The following CNTN2 variants were observed in gnomAD, a reference collection of about 807,000 sequenced individuals.
CNTN2 encodes the protein contactin 2.
In CNTN2, 53 loss-of-function variants were observed where a neutral mutation model predicts 117.5. The observed-to-expected ratio is 0.45, with a 90% CI of 0.36 to 0.57. The LOEUF (loss-of-function observed/expected upper bound fraction) is 0.57. Ranked by LOEUF, CNTN2 falls within the 20% of genes least tolerant of loss-of-function variation. The pLI is 0.00. For missense variants in CNTN2, 1,106 were observed against 1,404.3 expected (o/e 0.79, Z 3.39); for synonymous variants, 530 against 561.7 (o/e 0.94, Z 0.80).
Position 205,059,704 on chromosome 1 carries a change from A to T in CNTN2, c.797+22A>T. On this transcript the variant is annotated intron_variant, in intron 7 of 22. Coordinates refer to ENST00000331830, the MANE Select transcript of CNTN2 (RefSeq NM_005076.5). The surrounding 1 kb of genome is among the most constrained non-coding windows in gnomAD (Gnocchi z 5.6). Reference sequence around the variant, plus strand: ...GGAAGTGAGTGTGAAGAGGGAGGGGAAGCAGAGCACGGTCTCTCGGGGGCA... The same window carrying T: ...GGAAGTGAGTGTGAAGAGGGAGGGGTAGCAGAGCACGGTCTCTCGGGGGCA... 6.2e-7 allele frequency: 1 copy of T among 1,606,228 alleles called. No homozygotes were observed. The highest frequency in any genetic ancestry group is 8.5e-7 in the Non-Finnish European group (1 of 1,173,282).
chr1:205,058,123 C>A lies in CNTN2; in HGVS notation c.215+58C>A. ...TGGGCAGCCGTTGAACTTTCCCTCT[C>A]ATCAGCCCTGCCACCAGGCAGGACT... is the stretch of plus-strand genomic sequence containing the variant. On this transcript the variant is annotated intron_variant, in intron 3 of 22. Transcript: ENST00000331830. This position sits in a 1 kb window ranked among gnomAD's most constrained non-coding sequence, Gnocchi z 4.3. 6.2e-7 allele frequency: 1 copy of A among 1,601,010 alleles called. No homozygotes were observed. The highest frequency in any genetic ancestry group is 8.5e-7 in the Non-Finnish European group (1 of 1,173,494).
intron 19 of CNTN2, 104 bp from the exon 20 acceptor site, chr1:205,071,843 C>A: frequency 8.8e-7 from 1 of 1,139,576 alleles, no homozygotes; most frequent in Non-Finnish European, 1.2e-6. Context: ...AAGACTGGGT[C>A]ACAGGGACCA....
chr1:205,043,556 C>T (rs2096435755), intron 1 of CNTN2, among the ~76,000 whole-genome samples, 162 bp downstream of exon 1: 1 of 152,146 alleles, frequency 6.6e-6, no homozygotes, highest in Non-Finnish European at 1.5e-5. Flanking sequence ...CTTCTCCCCT[C>T]AGCCCCAGGG....
Position 205,059,524 on chromosome 1 carries a change from C to A in CNTN2, c.698-59C>A. 6.7e-7 allele frequency: 1 copy of A among 1,499,188 alleles called. No homozygotes were observed. Among genetic ancestry groups the A allele is most frequent in the Non-Finnish European group, 9.3e-7 (1 of 1,075,668 alleles). The allele number at this position is 1,499,188 out of a possible 1,614,324, so 92.9% of individuals were successfully genotyped here. ...CTCTGAAAGGTGCTGAGATCCCATG[C>A]ACGGGAGCACCTGACCTGGAGTCAT... On this transcript the variant is annotated intron_variant, in intron 6 of 22. Transcript: ENST00000331830. The surrounding 1 kb of genome is among the most constrained non-coding windows in gnomAD (Gnocchi z 5.6).
At chr1:205,046,089 C>T (rs1326501826) in intron 1 of CNTN2, among the ~76,000 whole-genome samples, 1 of 152,182 alleles carries the variant, frequency 6.6e-6, no homozygotes, top group Non-Finnish European at 1.5e-5. Flanking sequence ...CTGTTGCTAA[C>T]CTGGAACATT....
At position 205,059,304 on chromosome 1, in the gene CNTN2, G is replaced by A. The variant is rs773468067; in HGVS notation, c.697+11G>A. ...ACCTGGCTGCTGAAGGTCAGGCTTG[G>A]CCAGGCGTGGCTGGAGGGAGGGAAC... On this transcript the variant is annotated intron_variant, in intron 6 of 22. Coordinates refer to ENST00000331830, the MANE Select transcript of CNTN2 (RefSeq NM_005076.5). This position sits in a 1 kb window ranked among gnomAD's most constrained non-coding sequence, Gnocchi z 5.6. The A allele has an allele frequency of 6.2e-7, 1 of 1,611,110 alleles. No individual in the cohort carries two copies. The highest frequency in any genetic ancestry group is 8.5e-7 in the Non-Finnish European group (1 of 1,178,488).
chr1:205,071,513 T>A (rs975985407), intron 19 of CNTN2, among the ~76,000 whole-genome samples: 5 of 152,242 alleles, frequency 3.3e-5, no homozygotes, highest in African/African-American at 1.2e-4. Flanking sequence ...TTAGCAGGTC[T>A]TCATGCTATG....
rs1302845609 is a variant in CNTN2 at position 205,073,634 on chromosome 1, ACT to A, written c.3014-20_3014-19del. The A allele has an allele frequency of 1.9e-6, 3 of 1,609,396 alleles. No individual in the cohort carries two copies. The highest frequency in any genetic ancestry group is 2.5e-6 in the Non-Finnish European group (3 of 1,177,688). On this transcript the variant is annotated intron_variant, in intron 22 of 22. Transcript: ENST00000331830. The surrounding 1 kb of genome is among the most constrained non-coding windows in gnomAD (Gnocchi z 6.3). The stretch of plus-strand genomic sequence containing the variant: ...GCTAGGGTAGTCCCAGGCCCAGCTG[ACT>A]CAGCTTGTGCTGGTTTCAGGCACAA...
In CNTN2 at chr1:205,058,298, C is replaced by T; in HGVS notation, c.333C>T (p.Cys111=). 6.5e-7 allele frequency: 1 copy of T among 1,529,960 alleles called. No homozygotes were observed. The allele number at this position is 1,529,960 out of a possible 1,614,324, so 94.8% of individuals were successfully genotyped here. The part of the protein sequence containing the change: ...TKAQDAGVYQ[C]LASNPVGTVV... Reference sequence around the variant, plus strand: ...CACAGGATGCCGGGGTCTACCAGTGCCTGGCCTCCAACCCAGTGGGCACCG... The same window carrying T: ...CACAGGATGCCGGGGTCTACCAGTGTCTGGCCTCCAACCCAGTGGGCACCG... The change falls in exon 4 of 23, where the codon TGC becomes TGT. Residue 111 remains cysteine (C), a synonymous_variant. Transcript: ENST00000331830. This position sits in a 1 kb window ranked among gnomAD's most constrained non-coding sequence, Gnocchi z 4.3.
At chr1:205,057,022 C>T (rs1308834003) in intron 2 of CNTN2, among the ~76,000 whole-genome samples, 6 of 152,178 alleles carry the variant, frequency 3.9e-5, no homozygotes, top group Non-Finnish European at 7.4e-5. Context: ...AAACTGCCAC[C>T]AAAGCAAACT....
chr1:205,052,082 C>G (rs983529287), intron 1 of CNTN2, among the ~76,000 whole-genome samples: 1 of 152,248 alleles, frequency 6.6e-6, no homozygotes, highest in Admixed American at 6.5e-5. Flanking sequence ...CCCTGACCCC[C>G]TCCCACTGCT....
chr1:205,073,102 C>T lies in CNTN2; in HGVS notation c.2879C>T (p.Thr960Met), dbSNP rs752800918. The stretch of plus-strand genomic sequence containing the variant: ...CAGAATGACTTACACCTGACTCCCA[C>T]GCTCCACCTCACCGGCAAGAACTGG... ...LYQNDLHLTP[T>M]LHLTGKNWIE... The change falls in exon 22 of 23, where the codon ACG (threonine) becomes ATG (methionine). Residue 960 changes from threonine to methionine, a missense_variant. Transcript: ENST00000331830. The surrounding 1 kb of genome is among the most constrained non-coding windows in gnomAD (Gnocchi z 6.3). 100 of 1,614,028 alleles carry T rather than the reference C, an allele frequency of 6.2e-5. 1 individual carries two copies. The Admixed American group carries it at 7.7e-4, about 12-fold the overall frequency.
At position 205,074,986 on chromosome 1, in the gene CNTN2, G is replaced by A. The variant is rs546095948; in HGVS notation, c.*1221G>A. 18 of 398,262 alleles carry A rather than the reference G, an allele frequency of 4.5e-5. No individual in the cohort carries two copies. The highest frequency in any genetic ancestry group is 2.1e-4 in the African/African-American group (10 of 48,738). The allele number at this position is 398,262 out of a possible 1,614,324, so 24.7% of individuals were successfully genotyped here. A position where few individuals can be genotyped will look rare whatever the true frequency, so the allele number is the denominator to read the frequency against. ...CTGGGTATACTACCAGTCACAGAAC[G>A]TCAGAGCTGGAAGAAGCCTTAGAGC... On this transcript the variant is annotated 3_prime_UTR_variant, in exon 23 of 23. Coordinates refer to ENST00000331830, the MANE Select transcript of CNTN2 (RefSeq NM_005076.5).
intron 10 of CNTN2, among the ~76,000 whole-genome samples, chr1:205,064,047 G>A (rs1415409999): frequency 1.3e-5 from 2 of 151,652 alleles, no homozygotes; most frequent in Admixed American, 6.6e-5. Context: ...TTCCCAACTG[G>A]GTGGAGAAAA....
Position 205,073,223 on chromosome 1 carries a change from C to T in CNTN2, c.3000C>T (p.Ile1000=), listed in dbSNP as rs947096199. ...ATGGGATCCCTGCAGAAGTCCACAT[C>T]GTGAGGAATGGAGGTGCTGCTCCTC... is the stretch of plus-strand genomic sequence containing the variant. ...GGDGIPAEVH[I]VRNGGTSMMV... Residue 1000 remains isoleucine, a synonymous_variant, in exon 22 of 23, where the codon ATC becomes ATT. Transcript: ENST00000331830. This position sits in a 1 kb window ranked among gnomAD's most constrained non-coding sequence, Gnocchi z 6.3. 1.6e-5 allele frequency: 26 copies of T among 1,613,992 alleles called. No homozygotes were observed. Among genetic ancestry groups the T allele is most frequent in the South Asian group, 6.6e-5 (6 of 91,070 alleles).
intron 15 of CNTN2, 33 bp from the exon 16 acceptor site, chr1:205,067,068 A>T: frequency 6.3e-7 from 1 of 1,578,896 alleles, no homozygotes; most frequent in East Asian, 2.2e-5. Context: ...GAATAAGCGA[A>T]TGCTGGAATA....
chr1:205,067,293 G>A, intron 16 of CNTN2, 43 bp downstream of exon 16: 2 of 1,587,974 alleles, frequency 1.3e-6, no homozygotes, highest in Non-Finnish European at 1.7e-6. Context: ...TCAGGGCAGA[G>A]ACCCTGGCAC....
intron 1 of CNTN2, among the ~76,000 whole-genome samples, chr1:205,043,658 G>T (rs911235812): frequency 6.6e-6 from 1 of 152,328 alleles, no homozygotes; most frequent in East Asian, 1.9e-4. Flanking sequence ...TGGACCCCAG[G>T]AGTGTGTCCA....
chr1:205,055,172 C>T (rs910888003), intron 2 of CNTN2, among the ~76,000 whole-genome samples: 2 of 152,090 alleles, frequency 1.3e-5, no homozygotes, highest in Non-Finnish European at 2.9e-5. Context: ...CGCCACCACG[C>T]TCGGCTAATT....
Sources: allele counts gnomAD v4.1 joint callset (sites outside exome capture counted in the v4.1 genomes callset), GRCh38; gene constraint gnomAD v4.1.1; non-coding constraint Gnocchi (gnomAD v3.1); transcripts MANE v1.5; gene names NCBI Gene and HGNC (gene_info 2026-07-23, HGNC 2026-07-21).